MON2: variants seen among roughly 807,000 people sequenced by gnomAD.
MON2 encodes MON2 regulator of endosome-to-Golgi trafficking, also known as protein MON2 homolog.
Under a neutral mutation model 208.6 loss-of-function variants are expected in MON2, and 84 were observed. That is an observed-to-expected ratio of 0.40 (90% CI 0.34 to 0.48). The LOEUF is 0.48. Ranked by LOEUF, MON2 falls within the 20% of genes least tolerant of loss-of-function variation. The probability of loss-of-function intolerance (pLI) is 0.59; values close to 1 mark genes in which losing one functional copy is unlikely to be tolerated. For synonymous variants in MON2, 660 were observed against 694.0 expected (o/e 0.95, Z 0.77); for missense variants, 1,611 against 2,015.4 (o/e 0.80, Z 3.84).
At chr12:62,476,235 A>G (rs979208579) in intron 1 of MON2, among the ~76,000 whole-genome samples, 1 of 152,088 alleles carries the variant, frequency 6.6e-6, no homozygotes, top group Non-Finnish European at 1.5e-5. Flanking sequence ...AATCTTATTG[A>G]TTTCAATGTA....
At chr12:62,512,994 G>T (rs1428596893) in intron 8 of MON2, among the ~76,000 whole-genome samples, 1 of 152,184 alleles carries the variant, frequency 6.6e-6, no homozygotes, top group Non-Finnish European at 1.5e-5. Flanking sequence ...GTCGGCTGGA[G>T]TGGCTGGGAT....
At chr12:62,476,182 A>G (rs1592807738) in intron 1 of MON2, among the ~76,000 whole-genome samples, 1 of 152,292 alleles carries the variant, frequency 6.6e-6, no homozygotes, top group East Asian at 1.9e-4. Context: ...ATATATTTTT[A>G]GAAGGTTTTA....
At chr12:62,532,999 A>G (rs2072729441) in intron 12 of MON2, among the ~76,000 whole-genome samples, 1 of 152,226 alleles carries the variant, frequency 6.6e-6, no homozygotes, top group Non-Finnish European at 1.5e-5. Flanking sequence ...TCCAGGTCTC[A>G]TTCAAATTTT....
Position 62,538,253 on chromosome 12 carries a change from T to G in MON2, c.2201T>G (p.Val734Gly), listed in dbSNP as rs1262295915. Residue 734 changes from valine (V) to glycine (G), a missense_variant and splice_region_variant, in exon 18 of 35, where the codon GTT becomes GGT. Physicochemically the swap from Val to Gly is moderately radical, Grantham distance 109. Coordinates refer to ENST00000393630, the MANE Select transcript of MON2 (RefSeq NM_015026.3). ...TACATTTAATTTTATTCTTCTCAGG[T>G]TCTAACAACAGCAGTGATGACAGAT... is the stretch of plus-strand genomic sequence containing the variant. ...PGRAVEGPST[V>G]LTTAVMTDLP... The G allele has an allele frequency of 6.2e-7, 1 of 1,612,842 alleles. No homozygotes were observed. The highest frequency in any genetic ancestry group is 1.3e-5 in the African/African-American group (1 of 74,878).
At chr12:62,475,028 C>A (rs574180736) in intron 1 of MON2, among the ~76,000 whole-genome samples, 66 of 152,298 alleles carry the variant, frequency 4.3e-4, no homozygotes, top group Non-Finnish European at 7.6e-4. Context: ...GTATGTCACC[C>A]ATGCAGAAGC....
At chr12:62,581,184 C>T (rs2074991217) in intron 32 of MON2, among the ~76,000 whole-genome samples, 2 of 152,182 alleles carry the variant, frequency 1.3e-5, no homozygotes, top group Non-Finnish European at 2.9e-5. Flanking sequence ...TAATTGGGAA[C>T]TGATATATAA....
At chr12:62,550,648 A>C (rs1385099951) in intron 23 of MON2, among the ~76,000 whole-genome samples, 1 of 152,222 alleles carries the variant, frequency 6.6e-6, no homozygotes, top group Non-Finnish European at 1.5e-5. Context: ...CTACATCAGC[A>C]CTTGCTGCTT....
At chr12:62,578,578 A>C in intron 31 of MON2, 73 bp downstream of exon 31, 2 of 904,708 alleles carry the variant, frequency 2.2e-6, no homozygotes, top group Non-Finnish European at 3.4e-6. Context: ...TGAACTATAC[A>C]GTTGCTGAAA....
intron 23 of MON2, among the ~76,000 whole-genome samples, 174 bp from the exon 24 acceptor site, chr12:62,552,707 G>C (rs899786141): frequency 2.0e-5 from 3 of 151,490 alleles, no homozygotes; most frequent in African/African-American, 7.3e-5. Context: ...AAATAATGTA[G>C]AGACACTGAC....
intron 33 of MON2, among the ~76,000 whole-genome samples, chr12:62,587,379 T>TA (rs35377801): frequency 0.13 from 19,326 of 147,308 alleles, 1,539 homozygotes; most frequent in Middle Eastern, 0.25. Context: ...CTAATTAGTT[T>TA]AAAAAAAAAA....
rs2075581884 is a variant in MON2 at position 62,599,178 on chromosome 12, T to C, written c.*6429T>C. The C allele has an allele frequency of 6.6e-6, 1 of 152,134 alleles. No individual in the cohort carries two copies. The highest frequency in any genetic ancestry group is 1.5e-5 in the Non-Finnish European group (1 of 68,008). 9.4% of individuals were successfully genotyped at this position (152,134 alleles called of 1,614,324 possible). ...GAGAGCTTTATTAAAACCATTAATA[T>C]ATAAAATGAAAAAATAATAAACAGA... On this transcript the variant is annotated 3_prime_UTR_variant, in exon 35 of 35. Transcript: ENST00000393630.
rs1259039218 is a variant in MON2, at chr12:62,552,934, A to T, written c.2970A>T (p.Leu990=). Residue 990 remains leucine (L), a synonymous_variant, in exon 24 of 35, where the codon CTA becomes CTT. Coordinates refer to ENST00000393630, the MANE Select transcript of MON2 (RefSeq NM_015026.3). ...FQRGETIEKE[L]NKEEAAQQKQ... Reference sequence around the variant, plus strand: ...GAGGGGAAACTATTGAAAAAGAACTAAATAAGGAAGAGGCAGCACAGCAAA... The same window carrying T: ...GAGGGGAAACTATTGAAAAAGAACTTAATAAGGAAGAGGCAGCACAGCAAA... 3 of 1,614,130 alleles carry T rather than the reference A, an allele frequency of 1.9e-6. No homozygotes were observed. Among genetic ancestry groups the T allele is most frequent in the African/African-American group, 2.7e-5 (2 of 75,058 alleles).
intron 25 of MON2, 121 bp downstream of exon 25, chr12:62,556,313 A>G (rs1429422641): frequency 3.1e-6 from 3 of 981,732 alleles, no homozygotes; most frequent in African/African-American, 3.3e-5. Context: ...GTGTGTAAGC[A>G]TCTGTGTTTT....
chr12:62,488,730 A>G (rs2069938516), intron 2 of MON2, among the ~76,000 whole-genome samples: 1 of 152,130 alleles, frequency 6.6e-6, no homozygotes, highest in Non-Finnish European at 1.5e-5. Flanking sequence ...TACATAGTTT[A>G]TCTACAGTAC....
rs1367750966 is a variant in MON2, at chr12:62,467,159, C to G, written c.-49C>G. ...CTGTGGCCCTAAGGAGCTGACCGTG[C>G]CAGAGCTTGTTTGTACCTCTCGGAA... On this transcript the variant is annotated 5_prime_UTR_variant, in exon 1 of 35. Coordinates refer to ENST00000393630, the MANE Select transcript of MON2 (RefSeq NM_015026.3). The G allele has an allele frequency of 6.6e-7, 1 of 1,526,264 alleles. No homozygotes were observed. The highest frequency in any genetic ancestry group is 9.0e-7 in the Non-Finnish European group (1 of 1,111,774). 94.5% of individuals were successfully genotyped at this position (1,526,264 alleles called of 1,614,324 possible).
chr12:62,587,025 A>C (rs2075240203), intron 33 of MON2, among the ~76,000 whole-genome samples: 1 of 152,206 alleles, frequency 6.6e-6, no homozygotes, highest in South Asian at 2.1e-4. Flanking sequence ...GTATCCTGAC[A>C]TGGTATTAGA....
chr12:62,545,081 T>C, intron 21 of MON2, 73 bp downstream of exon 21: 1 of 946,914 alleles, frequency 1.1e-6, no homozygotes, highest in Non-Finnish European at 1.6e-6. Context: ...ATTTTTTTCT[T>C]ATCAGGTAGA....
intron 25 of MON2, among the ~76,000 whole-genome samples, chr12:62,559,692 T>G (rs2074123460): frequency 6.6e-6 from 1 of 151,324 alleles, no homozygotes; most frequent in Non-Finnish European, 1.5e-5. Flanking sequence ...GAGGCTGAGG[T>G]GGGAGAATCA....
At chr12:62,490,519 T>G (rs895874829) in intron 2 of MON2, among the ~76,000 whole-genome samples, 1 of 152,126 alleles carries the variant, frequency 6.6e-6, no homozygotes, top group Admixed American at 6.5e-5. Flanking sequence ...TGGATATCTC[T>G]CAGTTGGAAG....
Sources: gnomAD v4.1 joint callset for allele counts (sites outside exome capture counted in the v4.1 genomes callset) on GRCh38, gnomAD v4.1.1 for gene constraint, MANE v1.5 for transcripts, NCBI Gene and HGNC (gene_info 2026-07-23, HGNC 2026-07-21) for gene names.